Variants in ZNF385D observed in about 807,000 individuals in gnomAD.
The protein encoded by ZNF385D is zinc finger protein 385D.
Under a neutral mutation model 35.8 loss-of-function variants are expected in ZNF385D, and 15 were observed. That is an observed-to-expected ratio of 0.42 (90% CI 0.28 to 0.64). The LOEUF (loss-of-function observed/expected upper bound fraction) is 0.64. Ranked by LOEUF, ZNF385D falls within the 30% of genes least tolerant of loss-of-function variation. ZNF385D has a pLI of 0.23. For missense variants in ZNF385D, 474 were observed against 494.6 expected, an observed-to-expected ratio of 0.96 and a Z score of 0.39; for synonymous variants, 212 against 186.8, an observed-to-expected ratio of 1.13 and a Z score of -1.10.
At chr3:21,709,799 G>A (rs1457729708) in intron 1 of ZNF385D, among the ~76,000 whole-genome samples, 2 of 152,100 alleles carry the variant, frequency 1.3e-5, no homozygotes, top group Admixed American at 6.5e-5. Flanking sequence ...CCCACTCCTA[G>A]GTGTCTTCCC....
intron 3 of ZNF385D, among the ~76,000 whole-genome samples, chr3:22,104,787 G>T (rs956359991): frequency 2.0e-5 from 3 of 152,094 alleles, no homozygotes; most frequent in African/African-American, 7.2e-5. Context: ...CATATTCTGT[G>T]CCACGAAGTA....
At chr3:21,912,032 A>T (rs963419535) in intron 3 of ZNF385D, among the ~76,000 whole-genome samples, 2 of 151,976 alleles carry the variant, frequency 1.3e-5, no homozygotes, top group African/African-American at 4.8e-5. Flanking sequence ...TGAACTAAAC[A>T]AAATTAACCT....
chr3:22,123,875 C>T (rs1354456304), intron 3 of ZNF385D, among the ~76,000 whole-genome samples: 1 of 147,456 alleles, frequency 6.8e-6, no homozygotes, highest in Non-Finnish European at 1.5e-5. Context: ...AAAAACCAAA[C>T]CAAACCAAAC....
In ZNF385D at chr3:21,526,730, A is replaced by G. The variant is rs150950774; in HGVS notation, c.277-15707T>C. 3.2e-3 allele frequency among the ~76,000 whole-genome samples: 495 copies of G among 152,332 alleles called. 1 individual carries two copies. The highest frequency in any genetic ancestry group is 5.5e-3 in the Non-Finnish European group (375 of 68,030). ...TACAAGACAGGACAATTTAATGCTA[A>G]TTCATTCACTGGAACAATAGATTTT... On this transcript the variant is annotated intron_variant, in intron 3 of 7. Transcript: ENST00000281523.
intron 3 of ZNF385D, among the ~76,000 whole-genome samples, chr3:22,020,614 G>T (rs1051797545): frequency 2.0e-5 from 3 of 151,974 alleles, no homozygotes; most frequent in African/African-American, 7.2e-5. Context: ...TTATTAAAAA[G>T]TCAAGAAATA....
chr3:22,235,987 G>A (rs1297875725), intron 2 of ZNF385D, among the ~76,000 whole-genome samples: 1 of 152,024 alleles, frequency 6.6e-6, no homozygotes, highest in Non-Finnish European at 1.5e-5. Flanking sequence ...ATGGAGAGGG[G>A]CTCACAAAAT....
chr3:21,844,415 A>T (rs959624235), intron 3 of ZNF385D, among the ~76,000 whole-genome samples: 1 of 141,944 alleles, frequency 7.0e-6, no homozygotes, highest in Non-Finnish European at 1.5e-5. Context: ...ATGATTAGCC[A>T]TTATAGATGG....
chr3:22,178,560 T>C (rs1187969409), intron 2 of ZNF385D, among the ~76,000 whole-genome samples: 1 of 152,212 alleles, frequency 6.6e-6, no homozygotes, highest in Non-Finnish European at 1.5e-5. Context: ...GTAGTTTCTT[T>C]TGCTGTGCAG....
intron 3 of ZNF385D, among the ~76,000 whole-genome samples, chr3:21,794,554 C>T (rs79913319): frequency 1.2e-4 from 19 of 152,032 alleles, no homozygotes; most frequent in African/African-American, 3.1e-4. Context: ...ATTTGATATG[C>T]GGTGGGGGCT....
chr3:21,992,495 G>C (rs1695210033), intron 3 of ZNF385D, among the ~76,000 whole-genome samples: 1 of 151,994 alleles, frequency 6.6e-6, no homozygotes, highest in Non-Finnish European at 1.5e-5. Context: ...CTCTTCCCGT[G>C]GTGCAAGTTA....
chr3:21,664,349 G>C (rs970623323), intron 2 of ZNF385D, among the ~76,000 whole-genome samples: 3 of 151,962 alleles, frequency 2.0e-5, no homozygotes, highest in African/African-American at 7.3e-5. Flanking sequence ...AGTTAACTTG[G>C]GCAACAATAA....
At chr3:21,423,928 G>A in intron 7 of ZNF385D, 35 bp downstream of exon 7, 2 of 1,578,960 alleles carry the variant, frequency 1.3e-6, no homozygotes, top group Non-Finnish European at 1.7e-6. Context: ...TTCCATTTGG[G>A]AATAGAGGCT....
rs978045885 is a variant in ZNF385D, at chr3:21,465,875, C to G, written c.440-28672G>C. Among the ~76,000 whole-genome samples, 14 of 152,200 alleles carry G rather than the reference C, an allele frequency of 9.2e-5. No homozygotes were observed. Among genetic ancestry groups the G allele is most frequent in the Non-Finnish European group, 8.8e-5 (6 of 68,036 alleles). ...TCTCAGGCTACACAACACTCATTCT[C>G]CATCACACCTCAGGATACAGGAGCT... On this transcript the variant is annotated intron_variant, in intron 4 of 7. Transcript: ENST00000281523. The surrounding 1 kb of genome is among the most constrained non-coding windows in gnomAD (Gnocchi z 4.2).
intron 3 of ZNF385D, among the ~76,000 whole-genome samples, chr3:22,073,656 G>T (rs1015699326): frequency 6.6e-6 from 1 of 151,778 alleles, no homozygotes; most frequent in East Asian, 1.9e-4. Flanking sequence ...TCTGTAACAG[G>T]AGCATAGTAC....
chr3:21,498,222 A>G (rs1706068827), intron 4 of ZNF385D, among the ~76,000 whole-genome samples: 1 of 152,176 alleles, frequency 6.6e-6, no homozygotes, highest in African/African-American at 2.4e-5. Flanking sequence ...TCAACTCAAG[A>G]TGGATTAAAG....
chr3:22,049,018 CG>C (rs1400287914), intron 3 of ZNF385D, among the ~76,000 whole-genome samples: 1 of 151,830 alleles, frequency 6.6e-6, no homozygotes, highest in African/African-American at 2.4e-5. Context: ...GTTAATTGGC[CG>C]GGCGTAGTGG....
chr3:21,859,389 T>G (rs1696914613), intron 3 of ZNF385D, among the ~76,000 whole-genome samples: 1 of 151,314 alleles, frequency 6.6e-6, no homozygotes, highest in African/African-American at 2.4e-5. Context: ...AGTAGTTAGT[T>G]GTCTTTGGAA....
At chr3:21,635,615 A>C (rs1474471365) in intron 2 of ZNF385D, among the ~76,000 whole-genome samples, 1 of 151,982 alleles carries the variant, frequency 6.6e-6, no homozygotes, top group Admixed American at 6.6e-5. Flanking sequence ...GTTTGGTTAC[A>C]TAAGTTCTTT....
chr3:21,619,248 TCTC>T (rs1201699501), intron 2 of ZNF385D, among the ~76,000 whole-genome samples: 1 of 152,178 alleles, frequency 6.6e-6, no homozygotes, highest in Non-Finnish European at 1.5e-5. Flanking sequence ...TGTTCTCTCA[TCTC>T]CTCGCATGGC....
Sources: allele counts gnomAD v4.1 joint callset (sites outside exome capture counted in the v4.1 genomes callset), GRCh38; gene constraint gnomAD v4.1.1; non-coding constraint Gnocchi (gnomAD v3.1); transcripts MANE v1.5; gene names NCBI Gene and HGNC (gene_info 2026-07-23, HGNC 2026-07-21).